HTRA1: variants seen among roughly 807,000 people sequenced by gnomAD.
HTRA1 encodes the protein HtrA serine peptidase 1.
A neutral mutation model predicts 49.7 loss-of-function variants in HTRA1; 26 were observed. The observed-to-expected ratio is 0.52, with a 90% CI of 0.38 to 0.73. HTRA1 has a LOEUF of 0.73. Among genes scored for constraint, HTRA1 ranks in the 30% least tolerant of loss-of-function variants. The pLI, the probability that HTRA1 is intolerant of heterozygous loss-of-function variation, is 0.00. For synonymous variants in HTRA1, 291 were observed against 286.9 expected, an observed-to-expected ratio of 1.01 and a Z score of -0.14; for missense variants, 561 against 667.2, an observed-to-expected ratio of 0.84 and a Z score of 1.75.
At chr10:122,480,868 T>C in intron 1 of HTRA1, among the ~76,000 whole-genome samples, 1 of 152,078 alleles carries the variant, frequency 6.6e-6, no homozygotes. Context: ...TTGATATAGA[T>C]TGAAAAAAGA....
chr10:122,483,194 A>G (rs1188686340), intron 1 of HTRA1, among the ~76,000 whole-genome samples: 1 of 152,200 alleles, frequency 6.6e-6, no homozygotes, highest in Non-Finnish European at 1.5e-5. Context: ...AGTAATTAAG[A>G]AGTATTATGT....
chr10:122,510,965 T>G (rs1257468634), intron 7 of HTRA1, among the ~76,000 whole-genome samples: 1 of 152,198 alleles, frequency 6.6e-6, no homozygotes, highest in African/African-American at 2.4e-5. Flanking sequence ...GTTGTTTGCC[T>G]TTGGAACTAC....
At position 122,489,009 on chromosome 10, in the gene HTRA1, G is replaced by A. The variant is rs777182822; in HGVS notation, c.572+8G>A. On this transcript the variant is annotated splice_region_variant and intron_variant, in intron 2 of 8. Coordinates refer to ENST00000368984, the MANE Select transcript of HTRA1 (RefSeq NM_002775.5). ...TATCGAATTGTTTCGCAAGTAAAGA[G>A]AGCCTTCCTTTTTCCTATAACCTCC... The A allele has an allele frequency of 3.7e-6, 6 of 1,602,134 alleles. No individual in the cohort carries two copies. Among genetic ancestry groups the A allele is most frequent in the African/African-American group, 1.3e-5 (1 of 74,656 alleles).
intron 5 of HTRA1, among the ~76,000 whole-genome samples, chr10:122,508,437 G>C (rs531723459): frequency 2.0e-5 from 3 of 152,250 alleles, no homozygotes; most frequent in Admixed American, 1.3e-4. Flanking sequence ...ACCCAGTGCC[G>C]ACCTGGAGTA....
intron 7 of HTRA1, among the ~76,000 whole-genome samples, chr10:122,511,242 C>T (rs964078481): frequency 6.6e-5 from 10 of 152,140 alleles, no homozygotes; most frequent in African/African-American, 2.4e-4. Flanking sequence ...GGGATGATCT[C>T]ATCTGATCCT....
intron 8 of HTRA1, 129 bp downstream of exon 8, chr10:122,512,194 C>T (rs113273755): frequency 1.9e-4 from 145 of 776,028 alleles, no homozygotes; most frequent in Middle Eastern, 1.4e-3. Context: ...CGTGGTCGGA[C>T]GTTGCTTGTC....
chr10:122,470,856 G>A (rs2133910569), intron 1 of HTRA1, among the ~76,000 whole-genome samples: 1 of 152,234 alleles, frequency 6.6e-6, no homozygotes, highest in South Asian at 2.1e-4. Flanking sequence ...CCTCCTGGGT[G>A]TCAAAGCATG....
In HTRA1 at chr10:122,490,084, A is replaced by G. The variant is rs182631142; in HGVS notation, c.777+458A>G. Among the ~76,000 whole-genome samples the G allele has an allele frequency of 1.3e-5, 2 of 152,134 alleles. No homozygotes were observed. The highest frequency in any genetic ancestry group is 6.5e-5 in the Admixed American group (1 of 15,282). ...CTTTGAAAACAAACCAGCTCTCCCA[A>G]ATTGGGGTTTTGCGGGGTTATGAGA... On this transcript the variant is annotated intron_variant, in intron 3 of 8. Coordinates refer to ENST00000368984, the MANE Select transcript of HTRA1 (RefSeq NM_002775.5). This position sits in a 1 kb window ranked among gnomAD's most constrained non-coding sequence, Gnocchi z 4.2.
rs747484311 is a variant in HTRA1 at position 122,464,529 on chromosome 10, C to T, written c.472+2405C>T. On this transcript the variant is annotated intron_variant, in intron 1 of 8. Coordinates refer to ENST00000368984, the MANE Select transcript of HTRA1 (RefSeq NM_002775.5). The surrounding 1 kb of genome is among the most constrained non-coding windows in gnomAD (Gnocchi z 4.8). ...TCTGGCACATCGGAGGTACTTGGTA[C>T]GAGTGGATTAGTGAATGAATAAATG... 6.6e-6 allele frequency among the ~76,000 whole-genome samples: 1 copy of T among 152,120 alleles called. No homozygotes were observed. The highest frequency in any genetic ancestry group is 6.5e-5 in the Admixed American group (1 of 15,284).
chr10:122,502,333 A>T (rs2097501230), intron 3 of HTRA1, among the ~76,000 whole-genome samples: 1 of 152,158 alleles, frequency 6.6e-6, no homozygotes. Context: ...ATATGCATGA[A>T]CACTAAGAGC....
At chr10:122,475,686 T>G (rs2097488145) in intron 1 of HTRA1, among the ~76,000 whole-genome samples, 1 of 152,180 alleles carries the variant, frequency 6.6e-6, no homozygotes, top group Non-Finnish European at 1.5e-5. Flanking sequence ...CACTTAGCAA[T>G]GCCATTGTCC....
At chr10:122,493,299 T>A (rs530586331) in intron 3 of HTRA1, among the ~76,000 whole-genome samples, 1 of 152,304 alleles carries the variant, frequency 6.6e-6, no homozygotes, top group African/African-American at 2.4e-5. Context: ...GACCCACGAC[T>A]GGGGCCAGCC....
chr10:122,471,300 A>G (rs190994254), intron 1 of HTRA1, among the ~76,000 whole-genome samples: 2 of 152,292 alleles, frequency 1.3e-5, no homozygotes, highest in East Asian at 3.9e-4. Context: ...AGGAAGAGTG[A>G]GGATTTGAGA....
Position 122,461,951 on chromosome 10 carries a change from C to A in HTRA1, c.299C>A (p.Thr100Lys). Residue 100 changes from threonine to lysine, a missense_variant, in exon 1 of 9, where the codon ACG (threonine) becomes AAG (lysine). By Grantham distance (78) the Thr-to-Lys change is moderately conservative (BLOSUM62 -1). Transcript: ENST00000368984. ...CCCTTCGGGGTGCCAGCCTCGGCCA[C>A]GGTGCGGCGGCGCGCGCAGGCCGGC... ...VVPFGVPASA[T>K]VRRRAQAGLC... 1 of 1,488,162 alleles carries A rather than the reference C, an allele frequency of 6.7e-7. No individual in the cohort carries two copies. The highest frequency in any genetic ancestry group is 8.9e-7 in the Non-Finnish European group (1 of 1,126,354). The allele number at this position is 1,488,162 out of a possible 1,614,324, so 92.2% of individuals were successfully genotyped here. A position where few individuals can be genotyped will look rare whatever the true frequency, so the allele number is the denominator to read the frequency against.
At chr10:122,467,894 A>G (rs2097484404) in intron 1 of HTRA1, among the ~76,000 whole-genome samples, 1 of 152,170 alleles carries the variant, frequency 6.6e-6, no homozygotes, top group African/African-American at 2.4e-5. Context: ...ATTCAGCACT[A>G]CTTGGTGACG....
intron 1 of HTRA1, among the ~76,000 whole-genome samples, chr10:122,469,373 G>T (rs1204937345): frequency 6.6e-6 from 1 of 152,184 alleles, no homozygotes; most frequent in Non-Finnish European, 1.5e-5. Context: ...TCTAAGTGCA[G>T]TCACCACTTG....
Position 122,461,577 on chromosome 10 carries a change from C to T in HTRA1, c.-76C>T. 2 of 894,816 alleles carry T rather than the reference C, an allele frequency of 2.2e-6. No individual in the cohort carries two copies. The highest frequency in any genetic ancestry group is 1.7e-5 in the South Asian group (1 of 57,758). 55.4% of individuals were successfully genotyped at this position (894,816 alleles called of 1,614,324 possible). A position where few individuals can be genotyped will look rare whatever the true frequency, so the allele number is the denominator to read the frequency against. On this transcript the variant is annotated 5_prime_UTR_variant, in exon 1 of 9. Transcript: ENST00000368984. ...CACTCGCACCCGCTGCCCCCGAGGCCCTCCTGCACTCTCCCCGGCGCCGCT... is the reference window on the plus strand; with the variant it reads ...CACTCGCACCCGCTGCCCCCGAGGCTCTCCTGCACTCTCCCCGGCGCCGCT...
intron 7 of HTRA1, 69 bp downstream of exon 7, chr10:122,510,222 G>T (rs1693998235): frequency 1.5e-6 from 2 of 1,309,838 alleles, no homozygotes; most frequent in Non-Finnish European, 2.2e-6. Flanking sequence ...GTGCTCACGG[G>T]CACCCCTGAA....
Position 122,505,710 on chromosome 10 carries a change from G to C in HTRA1, c.778-981G>C, listed in dbSNP as rs530740116. The stretch of plus-strand genomic sequence containing the variant: ...GGCTCTGGAGTTGCAGTTCCCACGA[G>C]GGCTGGGGTGGCTGTCTGATTTCTG... On this transcript the variant is annotated intron_variant, in intron 3 of 8. Transcript: ENST00000368984. Among the ~76,000 whole-genome samples the C allele has an allele frequency of 1.8e-3, 279 of 152,324 alleles. 1 individual carries two copies. The highest frequency in any genetic ancestry group is 6.4e-3 in the African/African-American group (268 of 41,578).
Sources: gnomAD v4.1 joint callset for allele counts (sites outside exome capture counted in the v4.1 genomes callset) on GRCh38, gnomAD v4.1.1 for gene constraint, Gnocchi (gnomAD v3.1) non-coding constraint, MANE v1.5 for transcripts, NCBI Gene and HGNC (gene_info 2026-07-23, HGNC 2026-07-21) for gene names.